COL4A6: variants seen among roughly 807,000 people sequenced by gnomAD.
COL4A6 encodes the protein collagen type IV alpha 6 chain.
A neutral mutation model predicts 126.7 loss-of-function variants in COL4A6; 59 were observed. That is an observed-to-expected ratio of 0.47 (90% CI 0.38 to 0.58). The LOEUF is 0.58. Among genes scored for constraint, COL4A6 ranks in the 20% least tolerant of loss-of-function variants. COL4A6 has a pLI of 0.00. For synonymous variants in COL4A6, 547 were observed against 496.6 expected (o/e 1.10, Z -1.35); for missense variants, 1,285 against 1,337.3 (o/e 0.96, Z 0.61).
At chrX:108,187,357 G>T (rs1411432630) in intron 22 of COL4A6, 78 bp from the exon 23 acceptor site, 1 of 823,381 alleles carries the variant, frequency 1.2e-6, no homozygotes. Context: ...CAGGAAAGAG[G>T]TAGCCAGTGT....
chrX:108,278,228 A>C (rs1353431655), intron 3 of COL4A6, among the ~76,000 whole-genome samples: 2 of 111,906 alleles, frequency 1.8e-5, no homozygotes, highest in Non-Finnish European at 3.8e-5. Context: ...AAAGGCAAAG[A>C]AGTTGAAAAC....
chrX:108,289,242 AGT>A (rs34639525), intron 3 of COL4A6, among the ~76,000 whole-genome samples: 4,366 of 91,045 alleles, frequency 0.048, 80 homozygotes, highest in East Asian at 0.092. Context: ...CAATGAGTAT[AGT>A]GTGTGTGTGT....
chrX:108,410,070 G>A lies in COL4A6; in HGVS notation c.63+27872C>T, dbSNP rs143624977. On this transcript the variant is annotated intron_variant, in intron 2 of 44. Transcript: ENST00000334504. ...CAGCAGGTCTGAGGGTGTTTGGAAA[G>A]TGATCAGTATGTTTCCTGAACGTTC... 3.0e-3 allele frequency among the ~76,000 whole-genome samples: 338 copies of A among 111,820 alleles called. 1 individual carries two copies. Among genetic ancestry groups the A allele is most frequent in the African/African-American group, 0.011 (328 of 30,799 alleles).
At chrX:108,204,577 G>A (rs1384080516) in intron 11 of COL4A6, 165 bp from the exon 12 acceptor site, 3 of 546,096 alleles carry the variant, frequency 5.5e-6, no homozygotes, top group Non-Finnish European at 9.8e-6. Context: ...CAAAGGGTGA[G>A]AAGAATTATA....
intron 3 of COL4A6, among the ~76,000 whole-genome samples, chrX:108,244,102 T>C (rs1178041787): frequency 1.1e-5 from 1 of 91,631 alleles, no homozygotes; most frequent in Non-Finnish European, 2.2e-5. Flanking sequence ...CCTTCAGGTA[T>C]GTTCACCAAT....
At chrX:108,185,388 T>C (rs1486824843) in intron 23 of COL4A6, among the ~76,000 whole-genome samples, 1 of 28,370 alleles carries the variant, frequency 3.5e-5, no homozygotes, top group Admixed American at 2.2e-4. Flanking sequence ...AGACTTCATT[T>C]CAGAAAAAAA....
intron 2 of COL4A6, among the ~76,000 whole-genome samples, chrX:108,369,623 T>C (rs2040278317): frequency 1.8e-5 from 2 of 112,087 alleles, no homozygotes; most frequent in South Asian, 7.5e-4. Flanking sequence ...GTGGGACCTC[T>C]GGAGTATTTC....
At chrX:108,177,575 A>G (rs911347857) in intron 27 of COL4A6, among the ~76,000 whole-genome samples, 8 of 112,010 alleles carry the variant, frequency 7.1e-5, no homozygotes, top group African/African-American at 2.6e-4. Context: ...AGAAACCCAC[A>G]AGGCCCATTT....
chrX:108,426,665 A>T (rs1384178623), intron 2 of COL4A6, among the ~76,000 whole-genome samples: 1 of 112,006 alleles, frequency 8.9e-6, no homozygotes, highest in Non-Finnish European at 1.9e-5. Flanking sequence ...TAATTAAACA[A>T]CTTTTTTTTC....
At chrX:108,243,050 A>T (rs961729356) in intron 3 of COL4A6, among the ~76,000 whole-genome samples, 1 of 109,907 alleles carries the variant, frequency 9.1e-6, no homozygotes, top group African/African-American at 3.3e-5. Flanking sequence ...GAATCCTGTT[A>T]AAAAAAAAGG....
chrX:108,316,549 C>T (rs1292474961), intron 2 of COL4A6, among the ~76,000 whole-genome samples: 2 of 111,336 alleles, frequency 1.8e-5, no homozygotes, highest in African/African-American at 6.5e-5. Flanking sequence ...TTTCAAAGCA[C>T]AGTCCTTGGC....
chrX:108,245,695 C>T (rs765926978), intron 3 of COL4A6, among the ~76,000 whole-genome samples: 37 of 111,719 alleles, frequency 3.3e-4, no homozygotes, highest in Non-Finnish European at 6.2e-4. Flanking sequence ...TCAAAGGGTG[C>T]ATATTTTAGC....
At chrX:108,234,184 A>G (rs772837725) in intron 3 of COL4A6, among the ~76,000 whole-genome samples, 1 of 112,118 alleles carries the variant, frequency 8.9e-6, no homozygotes, top group African/African-American at 3.2e-5. Flanking sequence ...GTACTAGAGA[A>G]AGTAATTGAG....
At chrX:108,310,911 A>G in intron 2 of COL4A6, 83 bp from the exon 3 acceptor site, 2 of 724,541 alleles carry the variant, frequency 2.8e-6, no homozygotes, top group East Asian at 3.2e-5. Context: ...TAGCTTCTTT[A>G]CCAAGTAAAT....
chrX:108,187,124 C>T lies in COL4A6; in HGVS notation c.1923G>A (p.Pro641=), dbSNP rs145733040. 15 of 1,170,939 alleles carry T rather than the reference C, an allele frequency of 1.3e-5. No homozygotes were observed. The highest frequency in any genetic ancestry group is 2.4e-4 in the Middle Eastern group (1 of 4,161). ...TAGATCCGGGAAGGCCTTGTTGTCC[C>T]GGTAATCCATCCTTGCCTTTATCTC... is the stretch of plus-strand genomic sequence containing the variant. ...LPGDKGKDGL[P]GQQGLPGSKG... The change falls in exon 23 of 45, where the codon CCG becomes CCA. Residue 641 remains proline, a synonymous_variant. Transcript: ENST00000334504.
At chrX:108,159,433 C>G in intron 44 of COL4A6, 29 bp downstream of exon 44, 1 of 1,208,642 alleles carries the variant, frequency 8.3e-7, no homozygotes, top group Non-Finnish European at 1.1e-6. Context: ...TTGCCTCCAA[C>G]TGGGGGAGGA....
chrX:108,388,432 G>A (rs2040752078), intron 2 of COL4A6, among the ~76,000 whole-genome samples: 1 of 111,673 alleles, frequency 9.0e-6, no homozygotes, highest in Non-Finnish European at 1.9e-5. Flanking sequence ...CTTCTTCCTG[G>A]TTTAGTCTTG....
chrX:108,221,389 A>G lies in COL4A6; in HGVS notation c.145-15T>C. On this transcript the variant is annotated splice_polypyrimidine_tract_variant and intron_variant, in intron 3 of 44. Transcript: ENST00000334504. ...CCAGGTCGTCCCTAAGGTGGACAGA[A>G]GGAGTGCAATTAGTCAATAGAGGAC... 8.3e-7 allele frequency: 1 copy of G among 1,207,899 alleles called. No individual in the cohort carries two copies. The highest frequency in any genetic ancestry group is 1.1e-6 in the Non-Finnish European group (1 of 893,444).
intron 40 of COL4A6, among the ~76,000 whole-genome samples, chrX:108,164,297 T>C (rs925273514): frequency 4.5e-5 from 5 of 111,174 alleles, no homozygotes; most frequent in Non-Finnish European, 9.4e-5. Context: ...TATTTCTGAA[T>C]TGAGCAAACG....
Sources: allele counts gnomAD v4.1 joint callset (sites outside exome capture counted in the v4.1 genomes callset), GRCh38; gene constraint gnomAD v4.1.1; transcripts MANE v1.5; gene names NCBI Gene and HGNC (gene_info 2026-07-23, HGNC 2026-07-21).